LMBR1: variants seen among roughly 807,000 people sequenced by gnomAD.
LMBR1 encodes limb development membrane protein 1, also known as limb region 1 protein homolog.
LMBR1 carries 52 observed loss-of-function variants against 73.9 expected under a neutral mutation model. That is an observed-to-expected ratio of 0.70 (90% CI 0.56 to 0.89). The LOEUF (loss-of-function observed/expected upper bound fraction) is 0.89. Among genes scored for constraint, LMBR1 ranks in the 40% least tolerant of loss-of-function variants. The pLI, the probability that LMBR1 is intolerant of heterozygous loss-of-function variation, is 0.00. For missense variants in LMBR1, 539 were observed against 579.8 expected (o/e 0.93, Z 0.72); for synonymous variants, 215 against 209.4 (o/e 1.03, Z -0.23).
intron 4 of LMBR1, among the ~76,000 whole-genome samples, chr7:156,824,123 CAACAAT>C (rs1316171826): frequency 2.1e-5 from 3 of 145,116 alleles, no homozygotes; most frequent in Admixed American, 1.4e-4. Flanking sequence ...ACAACAACAA[CAACAAT>C]ATATATATAC....
At chr7:156,749,955 C>G (rs1007616596) in intron 9 of LMBR1, among the ~76,000 whole-genome samples, 3 of 152,216 alleles carry the variant, frequency 2.0e-5, no homozygotes, top group African/African-American at 7.2e-5. Flanking sequence ...TCCCAAAGTG[C>G]TGGGATTACA....
intron 9 of LMBR1, among the ~76,000 whole-genome samples, chr7:156,748,596 C>G (rs1425751956): frequency 1.3e-5 from 2 of 152,086 alleles, no homozygotes; most frequent in Non-Finnish European, 2.9e-5. Context: ...TCAAGTGATT[C>G]TCCTGCCTCA....
intron 5 of LMBR1, among the ~76,000 whole-genome samples, chr7:156,791,503 A>G (rs892009473): frequency 6.6e-6 from 1 of 152,200 alleles, no homozygotes; most frequent in Non-Finnish European, 1.5e-5. Flanking sequence ...TAAGTTTGCC[A>G]AAAGGGACAT....
intron 15 of LMBR1, among the ~76,000 whole-genome samples, chr7:156,703,615 C>A (rs1051106689): frequency 1.2e-4 from 18 of 152,208 alleles, no homozygotes; most frequent in Admixed American, 1.3e-4. Flanking sequence ...CAATGTCAAT[C>A]CTTCCCTAGG....
At chr7:156,865,124 T>G (rs1054096547) in intron 1 of LMBR1, among the ~76,000 whole-genome samples, 1 of 150,850 alleles carries the variant, frequency 6.6e-6, no homozygotes, top group Non-Finnish European at 1.5e-5. Context: ...CTGGGCAACA[T>G]AGAGAGACGC....
chr7:156,696,964 T>C (rs187063072), intron 15 of LMBR1, among the ~76,000 whole-genome samples: 1 of 152,336 alleles, frequency 6.6e-6, no homozygotes, highest in African/African-American at 2.4e-5. Flanking sequence ...AGTTAGTTAC[T>C]TCCTAGATAC....
chr7:156,873,299 A>G (rs1011180251), intron 1 of LMBR1, among the ~76,000 whole-genome samples: 3 of 148,402 alleles, frequency 2.0e-5, no homozygotes, highest in African/African-American at 7.6e-5. Flanking sequence ...GGAGTTGTTC[A>G]TTCCTCCCGG....
At chr7:156,803,235 T>C (rs927266815) in intron 4 of LMBR1, among the ~76,000 whole-genome samples, 9 of 151,818 alleles carry the variant, frequency 5.9e-5, no homozygotes, top group African/African-American at 1.7e-4. Flanking sequence ...TGGGAGAAAA[T>C]TTTTGCAACT....
chr7:156,858,895 A>C (rs1252491550), intron 1 of LMBR1, among the ~76,000 whole-genome samples: 1 of 152,172 alleles, frequency 6.6e-6, no homozygotes, highest in Non-Finnish European at 1.5e-5. Context: ...GTGAATAAAA[A>C]AAAAATTCTC....
chr7:156,798,005 T>G (rs1830335499), intron 4 of LMBR1, among the ~76,000 whole-genome samples: 1 of 152,210 alleles, frequency 6.6e-6, no homozygotes, highest in African/African-American at 2.4e-5. Flanking sequence ...TCTGTTTTCT[T>G]TATTCAAAAA....
At chr7:156,763,607 G>A in intron 6 of LMBR1, 62 bp downstream of exon 6, 1 of 1,431,716 alleles carries the variant, frequency 7.0e-7, no homozygotes, top group Non-Finnish European at 9.4e-7. Context: ...AATTGAGTGT[G>A]TAATTATATC....
intron 16 of LMBR1, among the ~76,000 whole-genome samples, chr7:156,686,507 T>C (rs2131869201): frequency 6.6e-6 from 1 of 152,332 alleles, no homozygotes; most frequent in African/African-American, 2.4e-5. Context: ...TTTCTATGTA[T>C]AAATTGCCCC....
At chr7:156,832,213 A>C (rs1836815284) in intron 3 of LMBR1, among the ~76,000 whole-genome samples, 1 of 152,236 alleles carries the variant, frequency 6.6e-6, no homozygotes, top group Admixed American at 6.5e-5. Context: ...ATAAATTACC[A>C]AATCTAGTAA....
chr7:156,755,491 G>A (rs1821696115), intron 9 of LMBR1, among the ~76,000 whole-genome samples: 1 of 152,216 alleles, frequency 6.6e-6, no homozygotes, highest in Non-Finnish European at 1.5e-5. Flanking sequence ...ACTGCAGGGA[G>A]CAGCTTGACA....
At chr7:156,822,282 T>C (rs1188162222) in intron 4 of LMBR1, 1 of 152,260 alleles carries the variant, frequency 6.6e-6, no homozygotes, top group Non-Finnish European at 1.5e-5. Flanking sequence ...CTTTATACTA[T>C]ACATATATTC....
chr7:156,833,594 C>T, intron 3 of LMBR1, 159 bp downstream of exon 3: 1 of 401,634 alleles, frequency 2.5e-6, no homozygotes, highest in South Asian at 3.0e-5. Context: ...ATTATCCACA[C>T]ATATTTGCTT....
chr7:156,688,149 T>C lies in LMBR1; in HGVS notation c.1268A>G (p.Asn423Ser), dbSNP rs750834412. 1.9e-6 allele frequency: 3 copies of C among 1,609,244 alleles called. No homozygotes were observed. The South Asian group carries it at 3.4e-5, about 18-fold the overall frequency. Residue 423 changes from asparagine (N) to serine (S), a missense_variant, in exon 16 of 17, where the codon AAT becomes AGT. Around this residue, in one of 3 missense-constraint regions of LMBR1, gnomAD observed 16 missense variants for 37.9 expected, o/e 0.42. Coordinates refer to ENST00000353442, the MANE Select transcript of LMBR1 (RefSeq NM_022458.4). ...TACAATATAGAAATTTCCCAGCCAA[T>C]TAAACCTTCCAAAGTCGCCAAGTAG... ...FDLLGDFGRFNWLGNFYIVLS... is the reference protein window; with the variant it reads ...FDLLGDFGRFSWLGNFYIVLS...
At chr7:156,775,269 G>A (rs928602566) in intron 5 of LMBR1, among the ~76,000 whole-genome samples, 11 of 152,222 alleles carry the variant, frequency 7.2e-5, no homozygotes, top group South Asian at 6.2e-4. Context: ...TCAGGAGGCC[G>A]AGGCAGGAGA....
Position 156,893,170 on chromosome 7 carries a change from G to C in LMBR1, c.-177C>G, listed in dbSNP as rs1202292674. The C allele has an allele frequency of 8.2e-6, 4 of 490,012 alleles. No homozygotes were observed. Among genetic ancestry groups the C allele is most frequent in the Non-Finnish European group, 3.2e-6 (1 of 307,714 alleles). The allele number at this position is 490,012 out of a possible 1,614,324, so 30.4% of individuals were successfully genotyped here. A position where few individuals can be genotyped will look rare whatever the true frequency, so the allele number is the denominator to read the frequency against. On this transcript the variant is annotated 5_prime_UTR_variant, in exon 1 of 17. Transcript: ENST00000353442. ...GGCCGTCGCCTCAGCAGCCTCAGAC[G>C]AGCAGCTCTGACTAAGGGAGGGCGG...
Sources: allele counts gnomAD v4.1 joint callset (sites outside exome capture counted in the v4.1 genomes callset), GRCh38; gene constraint gnomAD v4.1.1; regional missense constraint gnomAD v4.1.1; transcripts MANE v1.5; gene names NCBI Gene and HGNC (gene_info 2026-07-23, HGNC 2026-07-21).